Variants in OXER1 observed in about 807,000 individuals in gnomAD.
OXER1 encodes oxoeicosanoid receptor 1.
For synonymous variants in OXER1, 258 were observed against 245.8 expected (o/e 1.05, Z -0.47); for missense variants, 587 against 551.7 (o/e 1.06, Z -0.64).
chr2:42,763,013 G>A lies in OXER1; in HGVS notation c.1167C>T (p.Ser389=). 6.2e-7 allele frequency: 1 copy of A among 1,614,068 alleles called. No homozygotes were observed. Among genetic ancestry groups the A allele is most frequent in the Non-Finnish European group, 8.5e-7 (1 of 1,180,040 alleles). The change falls in exon 1 of 1, where the codon TCC becomes TCT. Residue 389 remains serine, a synonymous_variant. Transcript: ENST00000378661. This position sits in a 1 kb window ranked among gnomAD's most constrained non-coding sequence, Gnocchi z 4.4. ...AGGCCTCCCGGTAGCGCCACTGCCT[G>A]GAGGGTTGGTAGGAGCTCTCGTCGC...
chr2:42,763,769 A>T lies in OXER1; in HGVS notation c.411T>A (p.Ala137=). The stretch of plus-strand genomic sequence containing the variant: ...GCAGGTTGCTGATCAGGAGGAAGTC[A>T]GCGGCCACCAGGCTGACCAGGAACA... Residue 137 remains alanine, a synonymous_variant, in exon 1 of 1, where the codon GCT becomes GCA. Transcript: ENST00000378661. This position sits in a 1 kb window ranked among gnomAD's most constrained non-coding sequence, Gnocchi z 4.4. 2 of 1,614,054 alleles carry T rather than the reference A, an allele frequency of 1.2e-6. No homozygotes were observed. Among genetic ancestry groups the T allele is most frequent in the Non-Finnish European group, 1.7e-6 (2 of 1,180,014 alleles).
exon 1 of OXER1, chr2:42,762,924 C>G (rs767745953): frequency 6.2e-7 from 1 of 1,612,448 alleles, no homozygotes; most frequent in African/African-American, 1.3e-5. Flanking sequence ...CTGGGAGGAG[C>G]CTTCCTTTTC....
Sources: allele counts gnomAD v4.1 joint callset, GRCh38; gene constraint gnomAD v4.1.1; non-coding constraint Gnocchi (gnomAD v3.1); transcripts MANE v1.5; gene names NCBI Gene and HGNC (gene_info 2026-07-23, HGNC 2026-07-21).